ACSM2A: variants seen among roughly 807,000 people sequenced by gnomAD.
ACSM2A encodes acyl-coenzyme A synthetase ACSM2A, mitochondrial.
A neutral mutation model predicts 76.6 loss-of-function variants in ACSM2A; 72 were observed. That is an observed-to-expected ratio of 0.94 (90% confidence interval 0.78 to 1.14). The LOEUF (loss-of-function observed/expected upper bound fraction) is 1.14, where lower values mean the gene tolerates loss of function less well. Ranked by LOEUF, ACSM2A falls within the 50% of genes most tolerant of loss-of-function variation. The probability of loss-of-function intolerance (pLI) is 0.00; values close to 1 mark genes in which losing one functional copy is unlikely to be tolerated. For missense variants in ACSM2A, 684 were observed against 708.5 expected (o/e 0.97, Z 0.39); for synonymous variants, 249 against 255.9 (o/e 0.97, Z 0.26).
chr16:20,456,828 T>A (rs2012186631), intron 1 of ACSM2A, among the ~76,000 whole-genome samples: 1 of 135,074 alleles, frequency 7.4e-6, no homozygotes, highest in Non-Finnish European at 1.6e-5. Context: ...GAAATTGAGA[T>A]AAAAAAATAC....
At chr16:20,458,585 GTA>G (rs931490212) in intron 1 of ACSM2A, among the ~76,000 whole-genome samples, 1 of 141,804 alleles carries the variant, frequency 7.1e-6, no homozygotes, top group African/African-American at 2.6e-5. Context: ...ATATAATATA[GTA>G]TATATATTTT....
chr16:20,474,976 A>C (rs1341656134), intron 6 of ACSM2A, among the ~76,000 whole-genome samples: 1 of 152,248 alleles, frequency 6.6e-6, no homozygotes, highest in Non-Finnish European at 1.5e-5. Flanking sequence ...CTGGCTACAG[A>C]AAGTTAAGGA....
At chr16:20,477,051 T>G in intron 8 of ACSM2A, 2 of 264,092 alleles carry the variant, frequency 7.6e-6, no homozygotes, top group Non-Finnish European at 1.4e-5. Context: ...GGTGATCCCA[T>G]ATAGTTTGAA....
rs71237476 is a variant in ACSM2A at position 20,457,424 on chromosome 16, C to T, written c.-8-2683C>T. Among the ~76,000 whole-genome samples the T allele has an allele frequency of 1.2e-3, 182 of 151,944 alleles. 1 individual carries two copies. The highest frequency in any genetic ancestry group is 4.0e-3 in the African/African-American group (165 of 41,486). On this transcript the variant is annotated intron_variant, in intron 1 of 13. Transcript: ENST00000573854. ...GATGCAAAAATTCTTAATTAGCTGC[C>T]AGCTAACTGAATCCAACAGCATATC...
At chr16:20,469,376 T>A in intron 3 of ACSM2A, 136 bp from the exon 4 acceptor site, 2 of 1,463,480 alleles carry the variant, frequency 1.4e-6, no homozygotes, top group South Asian at 1.5e-5. Context: ...TTCCCTTTTT[T>A]ATTGACACTC....
chr16:20,469,425 T>C, intron 3 of ACSM2A, 87 bp from the exon 4 acceptor site: 1 of 1,582,398 alleles, frequency 6.3e-7, no homozygotes, highest in Non-Finnish European at 8.6e-7. Flanking sequence ...CCTTCCCCAC[T>C]TGCTCGCTGC....
chr16:20,469,616 C>G lies in ACSM2A; in HGVS notation c.493C>G (p.Gln165Glu). ...TATTGTTGCTGGGGATGAAGTCATC[C>G]AAGAAGTGGACACAGTGGCATCTGA... ...KAIVAGDEVIQEVDTVASECP... is the reference protein window; with the variant it reads ...KAIVAGDEVIEEVDTVASECP... The change falls in exon 4 of 14, where the codon CAA (glutamine) becomes GAA (glutamate). Residue 165 changes from glutamine (Q) to glutamate (E), a missense_variant. Around this residue, in one of 3 missense-constraint regions of ACSM2A, gnomAD observed 519 missense variants for 549.5 expected, o/e 0.94. Transcript: ENST00000573854. The G allele has an allele frequency of 5.0e-6, 8 of 1,613,876 alleles. No individual in the cohort carries two copies. Among genetic ancestry groups the G allele is most frequent in the Non-Finnish European group, 5.9e-6 (7 of 1,179,834 alleles).
chr16:20,458,368 A>C (rs1210239268), intron 1 of ACSM2A, among the ~76,000 whole-genome samples: 2 of 147,254 alleles, frequency 1.4e-5, no homozygotes, highest in African/African-American at 2.5e-5. Flanking sequence ...ATCTAGATAT[A>C]TATGTATTAT....
rs565191272 is a variant in ACSM2A, at chr16:20,452,715, T to A, written c.-9+1034T>A. ...GAAAAGAATATTAAGGATGGAGTTC[T>A]TTTGTTGGTTTTGGGGTTTCTGGAG... On this transcript the variant is annotated intron_variant, in intron 1 of 13. Coordinates refer to ENST00000573854, the MANE Select transcript of ACSM2A (RefSeq NM_001308172.2). Among the ~76,000 whole-genome samples, 302 of 149,764 alleles carry A rather than the reference T, an allele frequency of 2.0e-3. 1 individual carries two copies. The highest frequency in any genetic ancestry group is 7.0e-3 in the African/African-American group (284 of 40,418).
At position 20,480,351 on chromosome 16, in the gene ACSM2A, G is replaced by A. The variant is rs549789218; in HGVS notation, c.1282-222G>A. ...AATATCTATCAGACTGGACCTAGAG[G>A]AGTAGCTGAGAGACCCTGGGTGGAA... On this transcript the variant is annotated intron_variant, in intron 10 of 13. Transcript: ENST00000573854. Among the ~76,000 whole-genome samples the A allele has an allele frequency of 2.0e-5, 3 of 152,350 alleles. No individual in the cohort carries two copies. In the South Asian group the frequency reaches 6.2e-4, roughly 32 times the overall value.
chr16:20,469,827 C>G (rs2013268288), intron 4 of ACSM2A, 108 bp downstream of exon 4: 3 of 1,304,350 alleles, frequency 2.3e-6, no homozygotes, highest in Non-Finnish European at 3.2e-6. Flanking sequence ...CAGCATGGGA[C>G]TAGGAAGAGT....
intron 13 of ACSM2A, among the ~76,000 whole-genome samples, chr16:20,485,645 C>A (rs547808184): frequency 6.2e-4 from 94 of 152,308 alleles, no homozygotes; most frequent in African/African-American, 2.1e-3. Context: ...ATTTTGCCTG[C>A]AGGCCATAGT....
chr16:20,481,585 A>T (rs2014086062), intron 12 of ACSM2A: 1 of 150,704 alleles, frequency 6.6e-6, no homozygotes, highest in Non-Finnish European at 1.5e-5. Context: ...TGGGTGGGGA[A>T]GTGGGGGATG....
intron 13 of ACSM2A, among the ~76,000 whole-genome samples, chr16:20,485,113 G>C (rs1202877189): frequency 6.6e-6 from 1 of 152,116 alleles, no homozygotes; most frequent in Non-Finnish European, 1.5e-5. Context: ...ATTTAAGAAG[G>C]CATCAGACAC....
rs1290703379 is a variant in ACSM2A at position 20,471,560 on chromosome 16, T to C, written c.765T>C (p.Asp255=). The part of the protein sequence containing the change: ...DAGWTGLQAS[D]IMWTISDTGW... ...GTTGGACAGGCCTGCAAGCCTCTGA[T>C]ATAATGTGGACCATATCAGACACAG... The change falls in exon 6 of 14, where the codon GAT becomes GAC. Residue 255 remains aspartate (D), a synonymous_variant. Transcript: ENST00000573854. 1.2e-6 allele frequency: 2 copies of C among 1,613,898 alleles called. No homozygotes were observed. Among genetic ancestry groups the C allele is most frequent in the South Asian group, 1.1e-5 (1 of 90,994 alleles).
chr16:20,458,300 A>T (rs1444512453), intron 1 of ACSM2A, among the ~76,000 whole-genome samples: 1 of 148,534 alleles, frequency 6.7e-6, no homozygotes, highest in Non-Finnish European at 1.5e-5. Context: ...ACTAGAAAAA[A>T]AATCCAAAAA....
intron 12 of ACSM2A, chr16:20,482,172 A>AAAAAAG (rs1256490907): frequency 1.3e-5 from 2 of 153,712 alleles, no homozygotes; most frequent in African/African-American, 4.8e-5. Context: ...AAAAAAAAGA[A>AAAAAAG]AAAAAGAAAG....
intron 9 of ACSM2A, 143 bp downstream of exon 9, chr16:20,477,592 T>TG: frequency 7.0e-7 from 1 of 1,420,834 alleles, no homozygotes; most frequent in Non-Finnish European, 9.3e-7. Flanking sequence ...GTAGGGAGGT[T>TG]GGGGGAAGGA....
At chr16:20,463,474 A>T (rs2012763796) in intron 2 of ACSM2A, among the ~76,000 whole-genome samples, 1 of 151,830 alleles carries the variant, frequency 6.6e-6, no homozygotes, top group Admixed American at 6.5e-5. Context: ...CTTCGTTATG[A>T]GTGAGTTCAT....
Sources: gnomAD v4.1 joint callset for allele counts (sites outside exome capture counted in the v4.1 genomes callset) on GRCh38, gnomAD v4.1.1 for gene constraint, gnomAD v4.1.1 regional missense constraint, MANE v1.5 for transcripts, NCBI Gene and HGNC (gene_info 2026-07-23, HGNC 2026-07-21) for gene names.